Variants in PRR14L observed in about 807,000 individuals in gnomAD.
PRR14L encodes the protein proline rich 14 like.
PRR14L carries 80 observed loss-of-function variants against 155.0 expected under a neutral mutation model. The ratio of observed to expected loss-of-function variants is 0.52; its 90% CI spans 0.43 to 0.62. PRR14L has a LOEUF of 0.62. Among genes scored for constraint, PRR14L ranks in the 20% least tolerant of loss-of-function variants. PRR14L has a pLI of 0.00. For missense variants in PRR14L, 2,469 were observed against 2,548.0 expected, an observed-to-expected ratio of 0.97 and a Z score of 0.67; for synonymous variants, 883 against 916.0, an observed-to-expected ratio of 0.96 and a Z score of 0.65.
rs755650797 is a variant in PRR14L, at chr22:31,745,843, T to TA, written c.-52+4149dup. On this transcript the variant is annotated intron_variant, in intron 1 of 8. Coordinates refer to ENST00000327423, the MANE Select transcript of PRR14L (RefSeq NM_173566.3). The stretch of plus-strand genomic sequence containing the variant: ...GCCTGGGTGAGAGGGAGACTCAGTT[T>TA]AAAAAAAAAAAAAAAAAAATATATA... 1.7e-3 allele frequency among the ~76,000 whole-genome samples: 221 copies of TA among 133,768 alleles called. 2 individuals carry two copies. The highest frequency in any genetic ancestry group is 8.1e-3 in the Middle Eastern group (2 of 248). The allele number at this position is 133,768 out of a possible 152,430, so 87.8% of individuals were successfully genotyped here. A position where few individuals can be genotyped will look rare whatever the true frequency, so the allele number is the denominator to read the frequency against.
chr22:31,729,901 C>T (rs984147571), intron 2 of PRR14L, among the ~76,000 whole-genome samples: 2 of 151,980 alleles, frequency 1.3e-5, no homozygotes, highest in Non-Finnish European at 2.9e-5. Flanking sequence ...GGGCCGAGCA[C>T]GGTGGTTCAC....
At chr22:31,717,465 A>AGAGG (rs899188355) in intron 3 of PRR14L, among the ~76,000 whole-genome samples, 174 bp from the exon 4 acceptor site, 5 of 152,226 alleles carry the variant, frequency 3.3e-5, no homozygotes, top group Non-Finnish European at 7.3e-5. Flanking sequence ...AAAATATAAC[A>AGAGG]GAGGGCCAAA....
chr22:31,745,941 CT>C (rs997385263), intron 1 of PRR14L, among the ~76,000 whole-genome samples: 11 of 145,690 alleles, frequency 7.6e-5, no homozygotes, highest in African/African-American at 1.0e-4. Context: ...GTATGTTGAA[CT>C]TTTTTTTTTG....
chr22:31,709,394 G>C (rs1020524140), intron 4 of PRR14L, among the ~76,000 whole-genome samples: 5 of 150,888 alleles, frequency 3.3e-5, no homozygotes, highest in Admixed American at 6.6e-5. Flanking sequence ...TGGAATTACA[G>C]GCATAAGCCA....
intron 7 of PRR14L, among the ~76,000 whole-genome samples, chr22:31,699,533 C>T (rs2074552866): frequency 6.6e-6 from 1 of 152,144 alleles, no homozygotes; most frequent in African/African-American, 2.4e-5. Context: ...AAGTATAATG[C>T]AAATATTCCA....
intron 4 of PRR14L, among the ~76,000 whole-genome samples, chr22:31,709,402 C>T (rs1322825789): frequency 6.6e-6 from 1 of 151,170 alleles, no homozygotes; most frequent in Non-Finnish European, 1.5e-5. Context: ...CAGGCATAAG[C>T]CACTACACCC....
chr22:31,714,641 T>A lies in PRR14L; in HGVS notation c.3198A>T (p.Glu1066Asp). 1.3e-6 allele frequency: 2 copies of A among 1,552,164 alleles called. No homozygotes were observed. The highest frequency in any genetic ancestry group is 4.9e-5 in the East Asian group (2 of 40,932). Residue 1066 changes from glutamate to aspartate, a missense_variant, in exon 4 of 9, where the codon GAA (glutamate) becomes GAT (aspartate). Transcript: ENST00000327423. Reference protein sequence around the residue: ...VYTDCSNKLAEGVLDVKASNL... With the variant: ...VYTDCSNKLADGVLDVKASNL... Reference sequence around the variant, plus strand: ...TAGATGCCTTCACGTCCAGCACACCTTCTGCAAGCTTATTACTACAGTCCG... The same window carrying A: ...TAGATGCCTTCACGTCCAGCACACCATCTGCAAGCTTATTACTACAGTCCG...
rs59046624 is a variant in PRR14L at position 31,721,125 on chromosome 22, G to A, written c.548-3834C>T. ...AAAGTCAGGACAGCCGAAAGGGTGA[G>A]GAACCAGCAAGAGTGCCTGATGGGG... On this transcript the variant is annotated intron_variant, in intron 3 of 8. Coordinates refer to ENST00000327423, the MANE Select transcript of PRR14L (RefSeq NM_173566.3). Among the ~76,000 whole-genome samples, 1,315 of 152,350 alleles carry A rather than the reference G, an allele frequency of 8.6e-3. 17 individuals carry two copies. The highest frequency in any genetic ancestry group is 0.029 in the African/African-American group (1,202 of 41,576).
Position 31,713,999 on chromosome 22 carries a change from A to G in PRR14L, c.3840T>C (p.Leu1280=). Residue 1280 remains leucine (L), a synonymous_variant, in exon 4 of 9, where the codon CTT becomes CTC. Transcript: ENST00000327423. ...TTGATACTATTTCCTTCATCTCAGG[A>G]AGGACTGTGCAGTCCTTTACATTTT... ...LCENVKDCTV[L]PEMKEIVSRD... is the part of the protein sequence containing the mutation. 6.4e-7 allele frequency: 1 copy of G among 1,551,706 alleles called. No individual in the cohort carries two copies. The highest frequency in any genetic ancestry group is 8.7e-7 in the Non-Finnish European group (1 of 1,146,984).
At position 31,715,688 on chromosome 22, in the gene PRR14L, A is replaced by T. The variant is rs937507426; in HGVS notation, c.2151T>A (p.Ser717=). 6.4e-7 allele frequency: 1 copy of T among 1,552,292 alleles called. No homozygotes were observed. The highest frequency in any genetic ancestry group is 8.7e-7 in the Non-Finnish European group (1 of 1,147,094). ...CACCACAGGTTTGGTTACCTGGTGG[A>T]GAGATGTCTTTTATTTTTGTCTGAA... The part of the protein sequence containing the change: ...IPIQTKIKDI[S]PPGNQTCGAS... Residue 717 remains serine (S), a synonymous_variant, in exon 4 of 9, where the codon TCT becomes TCA. Coordinates refer to ENST00000327423, the MANE Select transcript of PRR14L (RefSeq NM_173566.3).
intron 2 of PRR14L, 112 bp from the exon 3 acceptor site, chr22:31,725,722 G>C: frequency 1.5e-6 from 1 of 687,360 alleles, no homozygotes; most frequent in Non-Finnish European, 2.4e-6. Flanking sequence ...AGACTGAAGT[G>C]CAATGGTTAG....
chr22:31,687,826 G>A (rs1273860069), intron 8 of PRR14L, among the ~76,000 whole-genome samples: 2 of 151,006 alleles, frequency 1.3e-5, no homozygotes, highest in Non-Finnish European at 3.0e-5. Flanking sequence ...GGCGGATCAC[G>A]AGGTCAGGAG....
intron 1 of PRR14L, among the ~76,000 whole-genome samples, chr22:31,746,998 G>A (rs968147391): frequency 4.0e-5 from 6 of 151,796 alleles, no homozygotes; most frequent in Non-Finnish European, 8.8e-5. Context: ...TAGAGACGGG[G>A]TTTCACTGAG....
At chr22:31,737,332 T>C (rs2074787755) in intron 2 of PRR14L, among the ~76,000 whole-genome samples, 1 of 151,622 alleles carries the variant, frequency 6.6e-6, no homozygotes, top group South Asian at 2.1e-4. Context: ...ACTACAAAAA[T>C]TAGCCGGGCG....
intron 4 of PRR14L, among the ~76,000 whole-genome samples, chr22:31,707,640 C>T (rs1431183867): frequency 6.6e-6 from 1 of 152,024 alleles, no homozygotes; most frequent in Non-Finnish European, 1.5e-5. Context: ...CTGACTCAGC[C>T]TCCTAAAGTG....
Position 31,716,853 on chromosome 22 carries a change from CTA to C in PRR14L, c.984_985del (p.Asp328GlufsTer13). 1 of 1,551,884 alleles carries C rather than the reference CTA, an allele frequency of 6.4e-7. No homozygotes were observed. The highest frequency in any genetic ancestry group is 8.7e-7 in the Non-Finnish European group (1 of 1,147,018). The stretch of plus-strand genomic sequence containing the variant: ...TTTCAAAGGGCTTGTGGCTGTGGGA[CTA>C]TCATGTGTAGAACTGGGTTGTTCAT... On this transcript the variant is annotated frameshift_variant, in exon 4 of 9. Transcript: ENST00000327423. LOFTEE classifies it high-confidence loss of function.
intron 4 of PRR14L, among the ~76,000 whole-genome samples, chr22:31,707,951 G>A (rs1034920351): frequency 1.3e-5 from 2 of 152,028 alleles, no homozygotes; most frequent in African/African-American, 2.4e-5. Flanking sequence ...GGAGTTCAAG[G>A]CCAGCCTGAC....
At chr22:31,730,879 A>G (rs1211872842) in intron 2 of PRR14L, among the ~76,000 whole-genome samples, 1 of 152,200 alleles carries the variant, frequency 6.6e-6, no homozygotes, top group Non-Finnish European at 1.5e-5. Flanking sequence ...AAAGAAAGTC[A>G]GCAAACGGGC....
At chr22:31,746,795 C>A (rs1015853784) in intron 1 of PRR14L, among the ~76,000 whole-genome samples, 3 of 131,268 alleles carry the variant, frequency 2.3e-5, no homozygotes, top group Non-Finnish European at 4.9e-5. Flanking sequence ...TCCCAGCAGT[C>A]TTTTTTTTTT....
Sources: allele counts gnomAD v4.1 joint callset (sites outside exome capture counted in the v4.1 genomes callset), GRCh38; gene constraint gnomAD v4.1.1; transcripts MANE v1.5; gene names NCBI Gene and HGNC (gene_info 2026-07-23, HGNC 2026-07-21).